Variants in STXBP4 observed in about 807,000 individuals in gnomAD.
The protein encoded by STXBP4 is syntaxin-binding protein 4.
STXBP4 carries 55 observed loss-of-function variants against 76.1 expected under a neutral mutation model. The ratio of observed to expected loss-of-function variants is 0.72; its 90% CI spans 0.58 to 0.91. The LOEUF (loss-of-function observed/expected upper bound fraction) is 0.91. Among genes scored for constraint, STXBP4 ranks in the 40% least tolerant of loss-of-function variants. The pLI is 0.00. For missense variants in STXBP4, 618 were observed against 636.9 expected (o/e 0.97, Z 0.32); for synonymous variants, 201 against 220.2 (o/e 0.91, Z 0.77).
chr17:55,187,989 C>T, the STXBP4 span, among the ~76,000 whole-genome samples: 3 of 152,064 alleles, frequency 2.0e-5, no homozygotes, highest in Non-Finnish European at 4.4e-5. Context: ...TCATGATGTC[C>T]CTGTGATTGG....
chr17:54,999,979 T>C (rs2144491284), intron 6 of STXBP4, 137 bp downstream of exon 6: 1 of 804,930 alleles, frequency 1.2e-6, no homozygotes, highest in Admixed American at 3.3e-5. Context: ...GATTTTTTTC[T>C]ATTTAAAATT....
At chr17:55,137,281 C>A (rs1477679117) in intron 16 of STXBP4, among the ~76,000 whole-genome samples, 1 of 147,202 alleles carries the variant, frequency 6.8e-6, no homozygotes, top group Non-Finnish European at 1.5e-5. Flanking sequence ...TGTTCCCTCC[C>A]TCCCTCCCTC....
At chr17:55,125,142 T>C (rs2079895233) in intron 16 of STXBP4, among the ~76,000 whole-genome samples, 2 of 152,192 alleles carry the variant, frequency 1.3e-5, no homozygotes, top group Admixed American at 6.5e-5. Context: ...TAACGTACAA[T>C]TTATTCATGT....
intron 12 of STXBP4, among the ~76,000 whole-genome samples, chr17:55,069,709 CTTTTA>C: frequency 2.0e-5 from 3 of 152,274 alleles, no homozygotes; most frequent in Admixed American, 2.0e-4. Context: ...ACCTCTGCAT[CTTTTA>C]CCACCCAACT....
At chr17:55,174,807 A>T (rs1267480163), downstream of STXBP4, among the ~76,000 whole-genome samples, 1 of 152,278 alleles carries the variant, frequency 6.6e-6, no homozygotes, top group Middle Eastern at 3.4e-3. Context: ...CCAGATATCT[A>T]CCTATCACAA....
At chr17:55,141,668 AAAGTTAAT>A (rs2080096041) in intron 17 of STXBP4, among the ~76,000 whole-genome samples, 3 of 152,216 alleles carry the variant, frequency 2.0e-5, no homozygotes, top group Admixed American at 6.5e-5. Context: ...GTGTTTATGA[AAAGTTAAT>A]ACCTAGCAAA....
In STXBP4 at chr17:55,064,533, C is replaced by T. The variant is rs565096571; in HGVS notation, c.1012-8367C>T. Among the ~76,000 whole-genome samples the T allele has an allele frequency of 6.6e-5, 10 of 152,274 alleles. No individual in the cohort carries two copies. The East Asian group carries it at 1.9e-3, about 29-fold the overall frequency. On this transcript the variant is annotated intron_variant, in intron 12 of 17. Coordinates refer to ENST00000376352, the MANE Select transcript of STXBP4 (RefSeq NM_178509.6). ...TGTTTGAGATGGAGTCTTGCTCTGT[C>T]GCCCAGACTGGAGTGCAGTGGCACA...
At chr17:55,200,604 AC>A in the STXBP4 span, among the ~76,000 whole-genome samples, 1 of 152,088 alleles carries the variant, frequency 6.6e-6, no homozygotes, top group Non-Finnish European at 1.5e-5. Flanking sequence ...TAGGACTCAA[AC>A]CCAGGCCCAC....
intron 3 of STXBP4, 82 bp from the exon 4 acceptor site, chr17:54,990,743 T>G: frequency 6.8e-7 from 1 of 1,473,384 alleles, no homozygotes; most frequent in South Asian, 1.4e-5. Context: ...GATCTCAGAT[T>G]TTGATTTAAT....
chr17:55,011,176 AATGT>A (rs2078102252), intron 8 of STXBP4, among the ~76,000 whole-genome samples: 1 of 152,302 alleles, frequency 6.6e-6, no homozygotes, highest in East Asian at 1.9e-4. Context: ...TTTATTACTT[AATGT>A]AAGAATTACC....
In STXBP4 at chr17:55,162,514, C is replaced by T. The variant is rs796888500; in HGVS notation, c.*2603C>T. The T allele has an allele frequency of 1.6e-4, 25 of 151,984 alleles. 1 individual carries two copies. Among genetic ancestry groups the T allele is most frequent in the African/African-American group, 5.8e-4 (24 of 41,420 alleles). The allele number at this position is 151,984 out of a possible 1,614,324, so 9.4% of individuals were successfully genotyped here. A position where few individuals can be genotyped will look rare whatever the true frequency, so the allele number is the denominator to read the frequency against. Reference sequence around the variant, plus strand: ...AATGTCACAAGCACTGTGCTAAACACTGTGGTGAAGTAGAACAATTGCTAA... The same window carrying T: ...AATGTCACAAGCACTGTGCTAAACATTGTGGTGAAGTAGAACAATTGCTAA... On this transcript the variant is annotated 3_prime_UTR_variant, in exon 18 of 18. Coordinates refer to ENST00000376352, the MANE Select transcript of STXBP4 (RefSeq NM_178509.6).
At chr17:55,094,765 T>C (rs2079462037) in intron 16 of STXBP4, among the ~76,000 whole-genome samples, 1 of 152,170 alleles carries the variant, frequency 6.6e-6, no homozygotes, top group Non-Finnish European at 1.5e-5. Context: ...AATTCTTTAA[T>C]ACCACCAGAT....
chr17:55,043,096 A>G, intron 10 of STXBP4, 140 bp from the exon 11 acceptor site: 1 of 404,730 alleles, frequency 2.5e-6, no homozygotes, highest in Non-Finnish European at 4.4e-6. Context: ...CCCTTTATCT[A>G]ATCAAATGAC....
chr17:55,126,166 T>G (rs2079910027), intron 16 of STXBP4, among the ~76,000 whole-genome samples: 2 of 152,200 alleles, frequency 1.3e-5, no homozygotes, highest in African/African-American at 4.8e-5. Flanking sequence ...GTATAATGTT[T>G]ATAATTTCCA....
chr17:55,085,664 A>G (rs1345602487), intron 16 of STXBP4, among the ~76,000 whole-genome samples: 1 of 152,026 alleles, frequency 6.6e-6, no homozygotes, highest in Non-Finnish European at 1.5e-5. Context: ...TAACTATCAA[A>G]ATGATGTTTT....
At chr17:55,081,537 A>G (rs1222998619) in intron 16 of STXBP4, among the ~76,000 whole-genome samples, 2 of 152,200 alleles carry the variant, frequency 1.3e-5, no homozygotes, top group Admixed American at 6.5e-5. Flanking sequence ...GATTAAATGT[A>G]CAGTCCAACT....
intron 16 of STXBP4, among the ~76,000 whole-genome samples, chr17:55,085,274 G>T (rs2079311183): frequency 6.6e-6 from 1 of 151,986 alleles, no homozygotes; most frequent in Non-Finnish European, 1.5e-5. Flanking sequence ...CGAGTTAGTG[G>T]GTGCAGCGCA....
At chr17:55,208,751 G>A in the STXBP4 span, among the ~76,000 whole-genome samples, 2 of 152,168 alleles carry the variant, frequency 1.3e-5, no homozygotes, top group East Asian at 3.8e-4. Context: ...CCTGCAGGGA[G>A]ATGGTATATT....
chr17:55,145,513 G>A (rs244319), intron 17 of STXBP4, among the ~76,000 whole-genome samples: 51,520 of 152,082 alleles, frequency 0.34, 9,118 homozygotes, highest in African/African-American at 0.46. Context: ...ATAACTGTCA[G>A]TGGTGTCCTA....
Sources: allele counts gnomAD v4.1 joint callset (sites outside exome capture counted in the v4.1 genomes callset), GRCh38; gene constraint gnomAD v4.1.1; transcripts MANE v1.5; gene names NCBI Gene and HGNC (gene_info 2026-07-23, HGNC 2026-07-21).